Variants in TRUB1 observed in about 807,000 individuals in gnomAD.
TRUB1 encodes pseudouridylate synthase TRUB1.
TRUB1 carries 23 observed loss-of-function variants against 33.9 expected under a neutral mutation model. The observed-to-expected ratio is 0.68, with a 90% confidence interval of 0.49 to 0.96. The LOEUF (loss-of-function observed/expected upper bound fraction) is 0.96. TRUB1 is among the 40% of genes least tolerant of loss of function. The pLI, the probability that TRUB1 is intolerant of heterozygous loss-of-function variation, is 0.00. For synonymous variants in TRUB1, 163 were observed against 165.4 expected (o/e 0.99, Z 0.11); for missense variants, 378 against 422.2 (o/e 0.90, Z 0.92).
Position 114,938,205 on chromosome 10 carries a change from C to T in TRUB1, c.-49C>T. 6.3e-7 allele frequency: 1 copy of T among 1,595,722 alleles called. No individual in the cohort carries two copies. Among genetic ancestry groups the T allele is most frequent in the Non-Finnish European group, 8.5e-7 (1 of 1,171,676 alleles). On this transcript the variant is annotated 5_prime_UTR_variant, in exon 1 of 8. Coordinates refer to ENST00000298746, the MANE Select transcript of TRUB1 (RefSeq NM_139169.5). ...GGTCCTGTCAGGCGCACTCTTGTTG[C>T]ATCATCAGCGTGCACCTCCACGATG...
At chr10:114,962,485 T>C (rs2084288593) in intron 4 of TRUB1, among the ~76,000 whole-genome samples, 1 of 152,238 alleles carries the variant, frequency 6.6e-6, no homozygotes, top group African/African-American at 2.4e-5. Flanking sequence ...TTTGTCTAGA[T>C]AGGACAAAAT....
At chr10:114,969,975 C>A (rs757900462) in intron 4 of TRUB1, among the ~76,000 whole-genome samples, 1 of 152,004 alleles carries the variant, frequency 6.6e-6, no homozygotes, top group African/African-American at 2.4e-5. Flanking sequence ...AAAGAACTTA[C>A]GGGGATTATT....
At chr10:114,957,143 T>C (rs10885639) in intron 3 of TRUB1, among the ~76,000 whole-genome samples, 69,722 of 152,072 alleles carry the variant, frequency 0.46, 17,425 homozygotes, top group African/African-American at 0.64. Flanking sequence ...GTGTTTCTAT[T>C]TAGGAAAGAA....
At position 114,975,475 on chromosome 10, in the gene TRUB1, CTTT is replaced by C. The variant is rs35714321; in HGVS notation, c.*106_*108del. 231 of 994,188 alleles carry C rather than the reference CTTT, an allele frequency of 2.3e-4. No homozygotes were observed. Among genetic ancestry groups the C allele is most frequent in the South Asian group, 4.8e-4 (20 of 41,596 alleles). The allele number at this position is 994,188 out of a possible 1,614,324, so 61.6% of individuals were successfully genotyped here. ...TGCATTCAAAAGACAAACAATATGTCTTTTTTTTTTTTGCATGAAGAAAAATGT... is the reference window on the plus strand; with the variant it reads ...TGCATTCAAAAGACAAACAATATGTCTTTTTTTTTGCATGAAGAAAAATGT... On this transcript the variant is annotated 3_prime_UTR_variant, in exon 8 of 8. Coordinates refer to ENST00000298746, the MANE Select transcript of TRUB1 (RefSeq NM_139169.5).
intron 3 of TRUB1, among the ~76,000 whole-genome samples, chr10:114,955,171 C>T (rs2084256343): frequency 6.6e-6 from 1 of 152,148 alleles, no homozygotes. Flanking sequence ...TGATGTGTTC[C>T]TTTGGCCTAA....
intron 2 of TRUB1, among the ~76,000 whole-genome samples, chr10:114,948,675 T>A (rs1321815533): frequency 2.0e-5 from 3 of 152,174 alleles, no homozygotes; most frequent in Non-Finnish European, 2.9e-5. Context: ...TGGCATTTGG[T>A]TATTCTTAGG....
In TRUB1 at chr10:114,975,328, T is replaced by C. The variant is rs1271620625; in HGVS notation, c.999T>C (p.Tyr333=). The C allele has an allele frequency of 6.2e-7, 1 of 1,611,022 alleles. No homozygotes were observed. The highest frequency in any genetic ancestry group is 1.3e-5 in the African/African-American group (1 of 74,914). The part of the protein sequence containing the change: ...ESNEQVLSCE[Y]ITLNEPKRED... ...ATGAACAGGTTTTGAGCTGTGAATA[T>C]ATAACTCTAAATGAGCCAAAGAGAG... Residue 333 remains tyrosine, a synonymous_variant, in exon 8 of 8, where the codon TAT becomes TAC. Coordinates refer to ENST00000298746, the MANE Select transcript of TRUB1 (RefSeq NM_139169.5).
chr10:114,941,678 G>A (rs745496127), intron 1 of TRUB1, among the ~76,000 whole-genome samples: 1 of 151,976 alleles, frequency 6.6e-6, no homozygotes, highest in African/African-American at 2.4e-5. Context: ...GAGATAAGCC[G>A]GGCTGGCATC....
At chr10:114,956,749 T>A (rs934259694) in intron 3 of TRUB1, among the ~76,000 whole-genome samples, 2 of 152,224 alleles carry the variant, frequency 1.3e-5, no homozygotes, top group African/African-American at 4.8e-5. Flanking sequence ...ATGACATCAT[T>A]GCTCTGATGG....
At chr10:114,963,383 T>C (rs569235541) in intron 4 of TRUB1, among the ~76,000 whole-genome samples, 2 of 152,368 alleles carry the variant, frequency 1.3e-5, no homozygotes, top group South Asian at 2.1e-4. Context: ...CAATAGGGTA[T>C]ATGCTATAAT....
intron 6 of TRUB1, among the ~76,000 whole-genome samples, chr10:114,973,600 T>G (rs1417813685): frequency 6.6e-6 from 1 of 152,220 alleles, no homozygotes; most frequent in Non-Finnish European, 1.5e-5. Context: ...TGTGGAAATG[T>G]GGCAGCTCTT....
chr10:114,951,367 T>C (rs2084234748), intron 3 of TRUB1, among the ~76,000 whole-genome samples: 1 of 152,218 alleles, frequency 6.6e-6, no homozygotes, highest in African/African-American at 2.4e-5. Flanking sequence ...GAAACAATGC[T>C]ACAGTGCTCA....
At chr10:114,974,189 A>G in intron 6 of TRUB1, 140 bp from the exon 7 acceptor site, 1 of 684,690 alleles carries the variant, frequency 1.5e-6, no homozygotes. Context: ...TGGATGAATA[A>G]TTTATGTTTT....
Position 114,970,328 on chromosome 10 carries a change from C to T in TRUB1, c.524-40C>T. The T allele has an allele frequency of 2.1e-6, 3 of 1,399,792 alleles. No homozygotes were observed. In the South Asian group the frequency reaches 3.6e-5, roughly 17 times the overall value. 86.7% of individuals were successfully genotyped at this position (1,399,792 alleles called of 1,614,324 possible). A position where few individuals can be genotyped will look rare whatever the true frequency, so the allele number is the denominator to read the frequency against. ...TGCTGTGAAAATAGTACATGTACTTCTGTGGTTGTTTTAGTGTCTTTTTTG... is the reference window on the plus strand; with the variant it reads ...TGCTGTGAAAATAGTACATGTACTTTTGTGGTTGTTTTAGTGTCTTTTTTG... On this transcript the variant is annotated intron_variant, in intron 4 of 7. Transcript: ENST00000298746.
At chr10:114,959,872 A>G (rs2143021939) in intron 4 of TRUB1, 65 bp downstream of exon 4, 1 of 933,386 alleles carries the variant, frequency 1.1e-6, no homozygotes, top group East Asian at 2.5e-5. Flanking sequence ...TGCAGGTAGC[A>G]TTTTAAAACA....
intron 4 of TRUB1, among the ~76,000 whole-genome samples, chr10:114,963,044 A>G (rs2084290848): frequency 6.6e-6 from 1 of 152,172 alleles, no homozygotes; most frequent in Admixed American, 6.5e-5. Flanking sequence ...CCGCTGAGCT[A>G]AGGACACTAA....
At chr10:114,962,742 A>C (rs1462703860) in intron 4 of TRUB1, among the ~76,000 whole-genome samples, 5 of 152,186 alleles carry the variant, frequency 3.3e-5, no homozygotes, top group Admixed American at 2.0e-4. Flanking sequence ...CCAGATAGTC[A>C]TGCAGGTGTA....
At position 114,939,460 on chromosome 10, in the gene TRUB1, C is replaced by T. The variant is rs559965554; in HGVS notation, c.286+921C>T. ...TATTCAAGGCCCTCCAGAGTTTGGC[C>T]GTATTCTGTCTCGCCATTAAACCAG... On this transcript the variant is annotated intron_variant, in intron 1 of 7. Coordinates refer to ENST00000298746, the MANE Select transcript of TRUB1 (RefSeq NM_139169.5). Among the ~76,000 whole-genome samples the T allele has an allele frequency of 2.1e-5, 3 of 145,650 alleles. No homozygotes were observed. In the East Asian group the frequency reaches 5.8e-4, roughly 28 times the overall value.
rs533210797 is a variant in TRUB1 at position 114,941,547 on chromosome 10, T to G, written c.287-1098T>G. Among the ~76,000 whole-genome samples, 10 of 152,154 alleles carry G rather than the reference T, an allele frequency of 6.6e-5. No homozygotes were observed. The South Asian group carries it at 2.1e-3, about 32-fold the overall frequency. ...GGGTAGAGACAGGGTTTCCCTGTGT[T>G]GCCTAGGGTGGTCTCAAACTTCCAG... On this transcript the variant is annotated intron_variant, in intron 1 of 7. Transcript: ENST00000298746.
Sources: allele counts gnomAD v4.1 joint callset (sites outside exome capture counted in the v4.1 genomes callset), GRCh38; gene constraint gnomAD v4.1.1; transcripts MANE v1.5; gene names NCBI Gene and HGNC (gene_info 2026-07-23, HGNC 2026-07-21).